NOX4: variants seen among roughly 807,000 people sequenced by gnomAD.
NOX4 encodes NADPH oxidase 4.
In NOX4, 69 loss-of-function variants were observed where a neutral mutation model predicts 87.6. The observed-to-expected ratio is 0.79, with a 90% CI of 0.65 to 0.96. The LOEUF is 0.96. Ranked by LOEUF, NOX4 falls within the 40% of genes least tolerant of loss-of-function variation. The probability of loss-of-function intolerance (pLI) is 0.00; values close to 1 mark genes in which losing one functional copy is unlikely to be tolerated. For synonymous variants in NOX4, 275 were observed against 238.2 expected (o/e 1.15, Z -1.42); for missense variants, 680 against 681.5 (o/e 1.00, Z 0.02).
intron 2 of NOX4, among the ~76,000 whole-genome samples, chr11:89,469,756 CTT>C (rs1178387090): frequency 1.3e-5 from 2 of 152,194 alleles, no homozygotes; most frequent in Non-Finnish European, 2.9e-5. Flanking sequence ...CTTTCTTACT[CTT>C]TCAGTTGCTT....
At chr11:89,486,858 C>A (rs907048174) in intron 2 of NOX4, among the ~76,000 whole-genome samples, 1 of 151,816 alleles carries the variant, frequency 6.6e-6, no homozygotes, top group African/African-American at 2.4e-5. Context: ...CACAACTTCC[C>A]ATCCTTTGAC....
At chr11:89,387,322 C>T (rs1940782949) in intron 11 of NOX4, among the ~76,000 whole-genome samples, 1 of 152,038 alleles carries the variant, frequency 6.6e-6, no homozygotes, top group Non-Finnish European at 1.5e-5. Context: ...AATTCCTTCT[C>T]CTGGCTCAGA....
intron 6 of NOX4, among the ~76,000 whole-genome samples, chr11:89,438,768 TATA>T (rs530896090): frequency 0.018 from 713 of 39,708 alleles, 23 homozygotes; most frequent in African/African-American, 0.064. Context: ...TATAATATAA[TATA>T]ATAATATAAT....
At chr11:89,333,847 C>T (rs1486383919) in intron 17 of NOX4, among the ~76,000 whole-genome samples, 1 of 151,752 alleles carries the variant, frequency 6.6e-6, no homozygotes, top group East Asian at 1.9e-4. Flanking sequence ...AGGCACCTGC[C>T]TGAGAACCAA....
chr11:89,473,015 T>C (rs1946013031), intron 2 of NOX4, among the ~76,000 whole-genome samples: 2 of 152,228 alleles, frequency 1.3e-5, no homozygotes, highest in Admixed American at 6.5e-5. Context: ...TTTGACCTCT[T>C]TGGCTGAAAA....
At chr11:89,583,190 G>A in the NOX4 span, among the ~76,000 whole-genome samples, 75 of 151,984 alleles carry the variant, frequency 4.9e-4, no homozygotes, top group Non-Finnish European at 9.6e-4. Flanking sequence ...TTACAAATAT[G>A]ATAAGATGTC....
chr11:89,335,564 C>T (rs1482967883), intron 17 of NOX4, among the ~76,000 whole-genome samples: 1 of 151,618 alleles, frequency 6.6e-6, no homozygotes, highest in Non-Finnish European at 1.5e-5. Context: ...GGAGCGAATA[C>T]CCATTTTTAA....
At chr11:89,327,574 AAAT>A (rs1437652475) in intron 17 of NOX4, among the ~76,000 whole-genome samples, 1 of 152,178 alleles carries the variant, frequency 6.6e-6, no homozygotes, top group Non-Finnish European at 1.5e-5. Flanking sequence ...CCCAGGAAAT[AAAT>A]AATATTTCAA....
In NOX4 at chr11:89,488,268, AT is replaced by A. The variant is rs555183912; in HGVS notation, c.153+2189del. Among the ~76,000 whole-genome samples, 5 of 151,276 alleles carry A rather than the reference AT, an allele frequency of 3.3e-5. No individual in the cohort carries two copies. In the East Asian group the frequency reaches 7.8e-4, roughly 24 times the overall value. ...TAGTCTTCCATTTGGTCCTTTTATCATTTTTTTTCTTCATTCCCTTGATCAA... is the reference window on the plus strand; with the variant it reads ...TAGTCTTCCATTTGGTCCTTTTATCATTTTTTTCTTCATTCCCTTGATCAA... On this transcript the variant is annotated intron_variant, in intron 2 of 17. Coordinates refer to ENST00000263317, the MANE Select transcript of NOX4 (RefSeq NM_016931.5).
At position 89,440,733 on chromosome 11, in the gene NOX4, A is replaced by C; in HGVS notation, c.448-18T>G. 7 of 1,452,474 alleles carry C rather than the reference A, an allele frequency of 4.8e-6. No homozygotes were observed. In the South Asian group the frequency reaches 8.6e-5, roughly 18 times the overall value. The allele number at this position is 1,452,474 out of a possible 1,614,324, so 90.0% of individuals were successfully genotyped here. A position where few individuals can be genotyped will look rare whatever the true frequency, so the allele number is the denominator to read the frequency against. On this transcript the variant is annotated intron_variant, in intron 5 of 17. Transcript: ENST00000263317. Reference sequence around the variant, plus strand: ...CTAGGATCCTGAGAAAAAGAAAAAAAAATAAATGATTAAAAACTAAAGCAC... The same window carrying C: ...CTAGGATCCTGAGAAAAAGAAAAAACAATAAATGATTAAAAACTAAAGCAC...
chr11:89,545,186 CA>C, the NOX4 span: 2 of 152,216 alleles, frequency 1.3e-5, no homozygotes, highest in South Asian at 2.1e-4. Flanking sequence ...GATTTTTCAG[CA>C]AAAGGTCATC....
At chr11:89,586,990 T>C in the NOX4 span, among the ~76,000 whole-genome samples, 1 of 152,026 alleles carries the variant, frequency 6.6e-6, no homozygotes, top group East Asian at 1.9e-4. Context: ...TCTTAGAAAA[T>C]GGAGAGATTT....
At chr11:89,567,021 G>T in the NOX4 span, among the ~76,000 whole-genome samples, 4 of 152,128 alleles carry the variant, frequency 2.6e-5, 1 homozygote, top group African/African-American at 4.8e-5. Flanking sequence ...GCATAGCCAG[G>T]GATGCACATC....
chr11:89,471,027 AGT>A (rs1945914582), intron 2 of NOX4, among the ~76,000 whole-genome samples: 1 of 152,136 alleles, frequency 6.6e-6, no homozygotes, highest in South Asian at 2.1e-4. Flanking sequence ...AAAGTGTCCG[AGT>A]GTCACTTTCT....
At chr11:89,436,404 C>T (rs571216895) in intron 6 of NOX4, among the ~76,000 whole-genome samples, 9 of 152,244 alleles carry the variant, frequency 5.9e-5, no homozygotes, top group East Asian at 1.9e-4. Flanking sequence ...CTAATCTCAC[C>T]GGGCAAAGTT....
At chr11:89,459,397 C>T (rs1945349636) in intron 2 of NOX4, among the ~76,000 whole-genome samples, 1 of 151,988 alleles carries the variant, frequency 6.6e-6, no homozygotes, top group African/African-American at 2.4e-5. Flanking sequence ...CCCCATGAAA[C>T]ACAATTTATC....
intron 2 of NOX4, among the ~76,000 whole-genome samples, chr11:89,466,328 T>G (rs1406013485): frequency 6.6e-6 from 1 of 152,196 alleles, no homozygotes; most frequent in African/African-American, 2.4e-5. Context: ...ATCTTAAATA[T>G]CCTACTTAAT....
At chr11:89,453,358 T>A (rs1338538324) in intron 2 of NOX4, among the ~76,000 whole-genome samples, 2 of 152,204 alleles carry the variant, frequency 1.3e-5, no homozygotes, top group Non-Finnish European at 2.9e-5. Flanking sequence ...AGATAATCCA[T>A]GTTGTTGAAA....
At chr11:89,338,814 AT>A (rs1426681690) in intron 15 of NOX4, among the ~76,000 whole-genome samples, 1 of 152,102 alleles carries the variant, frequency 6.6e-6, no homozygotes, top group Non-Finnish European at 1.5e-5. Flanking sequence ...GCATTATAGC[AT>A]TTTGTTTGAT....
Sources: gnomAD v4.1 joint callset for allele counts (sites outside exome capture counted in the v4.1 genomes callset) on GRCh38, gnomAD v4.1.1 for gene constraint, MANE v1.5 for transcripts, NCBI Gene and HGNC (gene_info 2026-07-23, HGNC 2026-07-21) for gene names.